Variants in CHCHD6 observed in about 807,000 individuals in gnomAD.
The protein encoded by CHCHD6 is coiled-coil-helix-coiled-coil-helix domain containing 6.
CHCHD6 carries 28 observed loss-of-function variants against 32.3 expected under a neutral mutation model. That is an observed-to-expected ratio of 0.87 (90% CI 0.64 to 1.19). CHCHD6 has a LOEUF of 1.19. CHCHD6 is among the 50% of genes most tolerant of loss of function. The pLI is 0.00. For missense variants in CHCHD6, 333 were observed against 307.0 expected (o/e 1.08, Z -0.63); for synonymous variants, 122 against 117.5 (o/e 1.04, Z -0.25).
chr3:126,732,366 A>G (rs1238849517), intron 3 of CHCHD6, among the ~76,000 whole-genome samples: 2 of 152,174 alleles, frequency 1.3e-5, no homozygotes, highest in Non-Finnish European at 2.9e-5. Flanking sequence ...ACTTAGTATT[A>G]TAATGATTTG....
chr3:126,710,567 A>G (rs1056005257), intron 1 of CHCHD6, among the ~76,000 whole-genome samples: 1 of 152,228 alleles, frequency 6.6e-6, no homozygotes. Context: ...CAATTAGTAT[A>G]CACGAAATAT....
intron 5 of CHCHD6, among the ~76,000 whole-genome samples, chr3:126,887,645 G>A (rs1016986461): frequency 1.3e-5 from 2 of 152,034 alleles, no homozygotes; most frequent in Admixed American, 6.6e-5. Flanking sequence ...TATTCCCATC[G>A]GCCTTCTGTT....
chr3:126,960,338 T>C lies in CHCHD6; in HGVS notation c.*137T>C. The C allele has an allele frequency of 4.1e-6, 4 of 984,538 alleles. No homozygotes were observed. The South Asian group carries it at 4.2e-5, about 10-fold the overall frequency. 61.0% of individuals were successfully genotyped at this position (984,538 alleles called of 1,614,324 possible). On this transcript the variant is annotated 3_prime_UTR_variant, in exon 8 of 8. Transcript: ENST00000290913. ...CCCCTGAGCCTGGGGCTGCCACGTG[T>C]TTAGGAAACAAAGTATGCGCTACTG... is the stretch of plus-strand genomic sequence containing the variant.
At chr3:126,707,585 T>C (rs1233587534) in intron 1 of CHCHD6, among the ~76,000 whole-genome samples, 1 of 152,218 alleles carries the variant, frequency 6.6e-6, no homozygotes, top group Non-Finnish European at 1.5e-5. Flanking sequence ...TGTTGGTTGC[T>C]TGTGAGCATC....
chr3:126,848,112 G>A (rs1185588200), intron 4 of CHCHD6, among the ~76,000 whole-genome samples: 3 of 152,178 alleles, frequency 2.0e-5, no homozygotes, highest in East Asian at 1.9e-4. Flanking sequence ...CTCAAGTAGC[G>A]GGCATGTGCC....
intron 4 of CHCHD6, among the ~76,000 whole-genome samples, chr3:126,834,053 CAAAAAAAAAAA>C (rs55790919): frequency 0.025 from 1,126 of 44,448 alleles, 31 homozygotes; most frequent in Non-Finnish European, 0.035. Flanking sequence ...GACTCCGTCT[CAAAAAAAAAAA>C]AAAAAAAAAA....
chr3:126,759,924 G>C (rs1293386124), intron 4 of CHCHD6, among the ~76,000 whole-genome samples: 1 of 152,182 alleles, frequency 6.6e-6, no homozygotes. Flanking sequence ...CTTTTGGAGA[G>C]GCCTCAGGGA....
chr3:126,821,966 A>G (rs904749770), intron 4 of CHCHD6, among the ~76,000 whole-genome samples: 4 of 152,100 alleles, frequency 2.6e-5, no homozygotes, highest in Non-Finnish European at 5.9e-5. Context: ...CCTGGATACA[A>G]GTTCCTTATT....
intron 4 of CHCHD6, among the ~76,000 whole-genome samples, chr3:126,747,792 G>C (rs1256845077): frequency 6.6e-6 from 1 of 152,086 alleles, no homozygotes; most frequent in Non-Finnish European, 1.5e-5. Context: ...CCATGCCCAT[G>C]TTGCTGGATT....
At chr3:126,722,116 C>T (rs1464653008) in intron 1 of CHCHD6, among the ~76,000 whole-genome samples, 4 of 152,172 alleles carry the variant, frequency 2.6e-5, no homozygotes, top group African/African-American at 9.7e-5. Context: ...AGTGGTAACT[C>T]TCCATATCCT....
intron 2 of CHCHD6, among the ~76,000 whole-genome samples, chr3:126,729,363 C>T (rs9867822): frequency 0.084 from 12,762 of 152,184 alleles, 1,810 homozygotes; most frequent in African/African-American, 0.29. Context: ...ACATGTTCAA[C>T]AATGTGCACT....
At chr3:126,761,840 C>G (rs1179377878) in intron 4 of CHCHD6, among the ~76,000 whole-genome samples, 1 of 152,122 alleles carries the variant, frequency 6.6e-6, no homozygotes, top group Admixed American at 6.6e-5. Context: ...TTGTTAAAGT[C>G]TTTTGAAATG....
chr3:126,876,063 A>G (rs1459101184), intron 5 of CHCHD6, among the ~76,000 whole-genome samples: 3 of 152,258 alleles, frequency 2.0e-5, no homozygotes, highest in Non-Finnish European at 4.4e-5. Flanking sequence ...GATATTAGCC[A>G]GTGACTTTGT....
chr3:126,775,018 G>A (rs552051191), intron 4 of CHCHD6, among the ~76,000 whole-genome samples: 5 of 152,284 alleles, frequency 3.3e-5, no homozygotes, highest in South Asian at 2.1e-4. Flanking sequence ...CCACACTGCC[G>A]TCTTGTATCT....
chr3:126,705,905 A>G (rs1427839563), intron 1 of CHCHD6, among the ~76,000 whole-genome samples: 1 of 152,198 alleles, frequency 6.6e-6, no homozygotes, highest in East Asian at 1.9e-4. Context: ...GGAAACGCAC[A>G]GAGAGAGTGC....
chr3:126,737,507 C>T (rs569697146), intron 4 of CHCHD6, among the ~76,000 whole-genome samples: 210 of 151,166 alleles, frequency 1.4e-3, no homozygotes, highest in African/African-American at 4.8e-3. Context: ...TAAGAGACAG[C>T]TTCTGACCTT....
intron 5 of CHCHD6, among the ~76,000 whole-genome samples, chr3:126,906,972 C>G: frequency 6.6e-6 from 1 of 152,134 alleles, no homozygotes; most frequent in East Asian, 1.9e-4. Flanking sequence ...GTATAGGGAC[C>G]ATGGGTGTGG....
chr3:126,896,156 C>T (rs1559909299), intron 5 of CHCHD6, among the ~76,000 whole-genome samples: 1 of 152,176 alleles, frequency 6.6e-6, no homozygotes, highest in South Asian at 2.1e-4. Flanking sequence ...AAAGCAAACA[C>T]TGATATTATG....
chr3:126,914,595 G>C (rs2078142396), intron 5 of CHCHD6, 85 bp from the exon 6 acceptor site: 1 of 801,904 alleles, frequency 1.2e-6, no homozygotes, highest in Non-Finnish European at 2.2e-6. Context: ...ATTAGCATCT[G>C]TCAATTTCTA....
Sources: allele counts gnomAD v4.1 joint callset (sites outside exome capture counted in the v4.1 genomes callset), GRCh38; gene constraint gnomAD v4.1.1; transcripts MANE v1.5; gene names NCBI Gene and HGNC (gene_info 2026-07-23, HGNC 2026-07-21).